Variants in FRMD5 observed in about 807,000 individuals in gnomAD.
The protein encoded by FRMD5 is FERM domain containing 5.
In FRMD5, 20 loss-of-function variants were observed where a neutral mutation model predicts 69.0. The ratio of observed to expected loss-of-function variants is 0.29; its 90% CI spans 0.20 to 0.42. The LOEUF (loss-of-function observed/expected upper bound fraction) is 0.42, where lower values mean the gene tolerates loss of function less well. Ranked by LOEUF, FRMD5 falls within the 10% of genes least tolerant of loss-of-function variation. The probability of loss-of-function intolerance (pLI) is 1.00; values close to 1 mark genes in which losing one functional copy is unlikely to be tolerated. For synonymous variants in FRMD5, 271 were observed against 260.1 expected, an observed-to-expected ratio of 1.04 and a Z score of -0.40; for missense variants, 595 against 708.6, an observed-to-expected ratio of 0.84 and a Z score of 1.82.
intron 13 of FRMD5, among the ~76,000 whole-genome samples, chr15:43,874,769 A>G (rs577075706): frequency 2.6e-5 from 4 of 151,564 alleles, no homozygotes; most frequent in African/African-American, 9.7e-5. Flanking sequence ...GCCTGGTGGC[A>G]CATGCCTGTA....
intron 1 of FRMD5, among the ~76,000 whole-genome samples, chr15:43,964,079 C>T (rs754298145): frequency 1.3e-5 from 2 of 151,634 alleles, no homozygotes; most frequent in Non-Finnish European, 2.9e-5. Context: ...AAGAATATCA[C>T]TAGAAAATAA....
At chr15:44,197,922 C>T (rs911326013), upstream of FRMD5, among the ~76,000 whole-genome samples, 2 of 152,090 alleles carry the variant, frequency 1.3e-5, no homozygotes, top group Admixed American at 1.3e-4. Context: ...TGAATGCAGT[C>T]TTTTTTCGAA....
At chr15:43,914,706 C>CTCTATGAG (rs1487123799) in intron 4 of FRMD5, among the ~76,000 whole-genome samples, 8 of 134,848 alleles carry the variant, frequency 5.9e-5, no homozygotes, top group African/African-American at 2.7e-4. Context: ...CTCCCAGCAA[C>CTCTATGAG]TCTATGAGGT....
intron 1 of FRMD5, among the ~76,000 whole-genome samples, chr15:43,952,771 G>A (rs2090057171): frequency 6.6e-6 from 1 of 152,254 alleles, no homozygotes; most frequent in Non-Finnish European, 1.5e-5. Flanking sequence ...GGCTGCTGAA[G>A]GCAGCTTTGC....
At chr15:43,965,036 G>A (rs890564242) in intron 1 of FRMD5, among the ~76,000 whole-genome samples, 5 of 152,194 alleles carry the variant, frequency 3.3e-5, no homozygotes, top group Non-Finnish European at 7.4e-5. Context: ...AAAGTATACT[G>A]AGGGAACTCA....
intron 1 of FRMD5, among the ~76,000 whole-genome samples, chr15:44,019,718 T>C (rs8037441): frequency 0.91 from 123,144 of 135,728 alleles, 56,102 homozygotes; most frequent in East Asian, 1. Context: ...GCCTGGGCAA[T>C]GAGAGCAAGA....
chr15:43,975,436 G>A (rs1429224480), intron 1 of FRMD5, among the ~76,000 whole-genome samples: 6 of 152,084 alleles, frequency 3.9e-5, no homozygotes, highest in African/African-American at 9.7e-5. Flanking sequence ...ATAAAATGCC[G>A]GGCCAATATA....
intron 1 of FRMD5, among the ~76,000 whole-genome samples, chr15:44,038,842 C>T (rs1302748004): frequency 1.3e-5 from 2 of 152,134 alleles, no homozygotes; most frequent in Non-Finnish European, 2.9e-5. Flanking sequence ...GCACTTTTCC[C>T]ATGGTCTTCA....
At chr15:44,108,264 G>A (rs1019875025) in intron 1 of FRMD5, among the ~76,000 whole-genome samples, 1 of 152,090 alleles carries the variant, frequency 6.6e-6, no homozygotes, top group East Asian at 1.9e-4. Context: ...ACAGCTACTG[G>A]AGAGGCTGAG....
chr15:43,878,959 A>C (rs1272788623), intron 13 of FRMD5, among the ~76,000 whole-genome samples: 4 of 131,162 alleles, frequency 3.0e-5, no homozygotes, highest in Non-Finnish European at 4.7e-5. Flanking sequence ...TTGAGATGGA[A>C]TCTCACTCCA....
chr15:43,975,815 A>T (rs916226954), intron 1 of FRMD5, among the ~76,000 whole-genome samples: 5 of 152,198 alleles, frequency 3.3e-5, no homozygotes, highest in African/African-American at 1.2e-4. Flanking sequence ...AATATGCAAA[A>T]CAAGTTTGCA....
At chr15:43,996,901 GCTC>G (rs1364355526) in intron 1 of FRMD5, among the ~76,000 whole-genome samples, 1 of 151,890 alleles carries the variant, frequency 6.6e-6, no homozygotes, top group Non-Finnish European at 1.5e-5. Context: ...GATAAACACT[GCTC>G]TTGAACAGTG....
At chr15:43,922,884 G>A (rs1489845867) in intron 2 of FRMD5, among the ~76,000 whole-genome samples, 3 of 152,154 alleles carry the variant, frequency 2.0e-5, no homozygotes, top group African/African-American at 4.8e-5. Context: ...TGCCCAGGCT[G>A]GTCATGAACT....
At chr15:43,899,092 A>T (rs1393641449) in intron 7 of FRMD5, among the ~76,000 whole-genome samples, 1 of 152,208 alleles carries the variant, frequency 6.6e-6, no homozygotes, top group Non-Finnish European at 1.5e-5. Context: ...TGGGCCCAGT[A>T]ATTGCCTCTC....
chr15:44,143,948 A>G (rs1030025456), intron 1 of FRMD5, among the ~76,000 whole-genome samples: 3 of 138,886 alleles, frequency 2.2e-5, no homozygotes, highest in African/African-American at 7.5e-5. Context: ...AAAAAGGAAA[A>G]GAAAAGTATT....
At chr15:44,047,164 T>C (rs1202241611) in intron 1 of FRMD5, among the ~76,000 whole-genome samples, 1 of 151,850 alleles carries the variant, frequency 6.6e-6, no homozygotes, top group Non-Finnish European at 1.5e-5. Flanking sequence ...AAAAAATTAA[T>C]TGGGCATGGT....
At chr15:44,110,683 T>A (rs2076784838) in intron 1 of FRMD5, among the ~76,000 whole-genome samples, 1 of 152,204 alleles carries the variant, frequency 6.6e-6, no homozygotes, top group Non-Finnish European at 1.5e-5. Context: ...TTTTCACCGT[T>A]CTAGCTACTG....
At chr15:44,105,775 A>G (rs1456799776) in intron 1 of FRMD5, among the ~76,000 whole-genome samples, 1 of 152,188 alleles carries the variant, frequency 6.6e-6, no homozygotes, top group Non-Finnish European at 1.5e-5. Context: ...CTTCGACAAG[A>G]AAACCCATAA....
At chr15:43,915,059 T>C (rs2089360979) in intron 4 of FRMD5, among the ~76,000 whole-genome samples, 3 of 152,150 alleles carry the variant, frequency 2.0e-5, no homozygotes, top group Non-Finnish European at 4.4e-5. Flanking sequence ...GTTTAATGGA[T>C]GAAGAGACTG....
Sources: allele counts gnomAD v4.1 joint callset (sites outside exome capture counted in the v4.1 genomes callset), GRCh38; gene constraint gnomAD v4.1.1; transcripts MANE v1.5; gene names NCBI Gene and HGNC (gene_info 2026-07-23, HGNC 2026-07-21).